PHC1: variants seen among roughly 807,000 people sequenced by gnomAD.
PHC1 encodes the protein polyhomeotic homolog 1.
PHC1 carries 12 observed loss-of-function variants against 104.3 expected under a neutral mutation model. That is an observed-to-expected ratio of 0.12 (90% CI 0.07 to 0.19). The LOEUF is 0.19. Among genes scored for constraint, PHC1 ranks in the 10% least tolerant of loss-of-function variants. PHC1 has a pLI of 1.00. For synonymous variants in PHC1, 302 were observed against 455.8 expected (o/e 0.66, Z 4.30); for missense variants, 671 against 1,200.0 (o/e 0.56, Z 6.51).
rs1946005682 is a variant in PHC1, at chr12:8,941,459, T to C, written c.*2000T>C. The C allele has an allele frequency of 5.2e-6, 1 of 192,078 alleles. No homozygotes were observed. Among genetic ancestry groups the C allele is most frequent in the Non-Finnish European group, 1.1e-5 (1 of 92,966 alleles). 11.9% of individuals were successfully genotyped at this position (192,078 alleles called of 1,614,324 possible). On this transcript the variant is annotated 3_prime_UTR_variant, in exon 15 of 15. Transcript: ENST00000544916. ...TTTTTTTAATTAAAGAAATCCAGTG[T>C]CTCAAAAACTTGTGAAAATGTGTTT...
chr12:8,916,714 A>G (rs1441935594), intron 1 of PHC1, among the ~76,000 whole-genome samples: 1 of 152,070 alleles, frequency 6.6e-6, no homozygotes, highest in Non-Finnish European at 1.5e-5. Flanking sequence ...GAAGATTTTC[A>G]TTGTGTGTAT....
At chr12:8,927,763 G>A (rs771343051) in intron 6 of PHC1, among the ~76,000 whole-genome samples, 1 of 152,230 alleles carries the variant, frequency 6.6e-6, no homozygotes, top group Admixed American at 6.5e-5. Flanking sequence ...CAATCCTGAT[G>A]ATTCTTGTCA....
intron 7 of PHC1, 99 bp from the exon 8 acceptor site, chr12:8,932,464 T>C (rs2137112290): frequency 7.7e-7 from 1 of 1,300,420 alleles, no homozygotes; most frequent in East Asian, 2.4e-5. Flanking sequence ...ATTCCAAAAC[T>C]AGGTTATACC....
At chr12:8,931,029 C>G in intron 7 of PHC1, 102 bp downstream of exon 7, 1 of 1,225,754 alleles carries the variant, frequency 8.2e-7, no homozygotes, top group East Asian at 2.5e-5. Flanking sequence ...GTTTTTTCCC[C>G]GCTTCTGTTG....
At chr12:8,932,222 G>C (rs1240257845) in intron 7 of PHC1, among the ~76,000 whole-genome samples, 3 of 152,302 alleles carry the variant, frequency 2.0e-5, no homozygotes, top group Admixed American at 1.3e-4. Context: ...TCTAATGGAG[G>C]AGGGGCTAAC....
In PHC1 at chr12:8,930,866, T is replaced by G. The variant is rs375570809; in HGVS notation, c.1044T>G (p.Asn348Lys). 19 of 1,548,620 alleles carry G rather than the reference T, an allele frequency of 1.2e-5. No homozygotes were observed. Among genetic ancestry groups the G allele is most frequent in the Non-Finnish European group, 3.5e-6 (4 of 1,152,704 alleles). Reference protein sequence around the residue: ...KAEADGSGQQNVGMNLTRTAT... With the variant: ...KAEADGSGQQKVGMNLTRTAT... The stretch of plus-strand genomic sequence containing the variant: ...AAGCAGATGGGAGTGGCCAGCAGAA[T>G]GTGGGCATGAACCTGACACGGACAG... Residue 348 changes from asparagine to lysine, a missense_variant, in exon 7 of 15, where the codon AAT (asparagine) becomes AAG (lysine). Coordinates refer to ENST00000544916, the MANE Select transcript of PHC1 (RefSeq NM_004426.3).
rs11048023 is a variant in PHC1, at chr12:8,922,106, G to T, written c.456+356G>T. Reference sequence around the variant, plus strand: ...TAGGATTACAGGCGTGAACCACCGCGCCCGGCCAAAAGCCATTTTTTTAAA... The same window carrying T: ...TAGGATTACAGGCGTGAACCACCGCTCCCGGCCAAAAGCCATTTTTTTAAA... On this transcript the variant is annotated intron_variant, in intron 5 of 14. Transcript: ENST00000544916. 1.8e-4 allele frequency among the ~76,000 whole-genome samples: 27 copies of T among 152,174 alleles called. 1 individual carries two copies. Among genetic ancestry groups the T allele is most frequent in the Middle Eastern group, 3.4e-3 (1 of 294 alleles).
intron 14 of PHC1, among the ~76,000 whole-genome samples, chr12:8,938,741 C>G (rs1011196767): frequency 1.3e-5 from 2 of 152,170 alleles, no homozygotes; most frequent in African/African-American, 4.8e-5. Flanking sequence ...TCCCTTTCCC[C>G]TGTCTCTAAG....
chr12:8,930,162 G>A (rs1295394545), intron 6 of PHC1, among the ~76,000 whole-genome samples: 5 of 152,170 alleles, frequency 3.3e-5, no homozygotes, highest in Non-Finnish European at 7.3e-5. Context: ...ATTGAATGGC[G>A]AGGAAAGGGA....
Position 8,932,577 on chromosome 12 carries a change from A to T in PHC1, c.1120A>T (p.Ile374Phe), listed in dbSNP as rs767557891. The change falls in exon 8 of 15, where the codon ATC becomes TTC. Residue 374 changes from isoleucine to phenylalanine, a missense_variant. Transcript: ENST00000544916. ...TLISSATYTQ[I>F]QPHSLIQQQQ... The stretch of plus-strand genomic sequence containing the variant: ...TGTTCCTATAGCCACCTACACACAG[A>T]TCCAGCCCCATTCACTGATTCAGCA... The T allele has an allele frequency of 6.2e-7, 1 of 1,613,930 alleles. No individual in the cohort carries two copies. The highest frequency in any genetic ancestry group is 1.7e-5 in the Admixed American group (1 of 60,010).
chr12:8,928,021 C>T (rs1760959924), intron 6 of PHC1, among the ~76,000 whole-genome samples: 1 of 151,302 alleles, frequency 6.6e-6, no homozygotes, highest in Non-Finnish European at 1.5e-5. Flanking sequence ...ATTCTTGTAC[C>T]TCAGCCTCCT....
At position 8,934,476 on chromosome 12, in the gene PHC1, C is replaced by T; in HGVS notation, c.2251C>T (p.Pro751Ser). ...TATCCAGGAAGGAGCAGAACCTTTC[C>T]CGGTGAGGGCAGGGCCATAAGGTGG... ...FVIQEGAEPF[P>S]VGCSQLLKES... The change falls in exon 10 of 15, where the codon CCG (proline) becomes TCG (serine). Residue 751 changes from proline to serine, a missense_variant and splice_region_variant. This residue lies in a region of PHC1 where 192 missense variants were observed against 280.5 expected (regional missense o/e 0.68). Coordinates refer to ENST00000544916, the MANE Select transcript of PHC1 (RefSeq NM_004426.3). 6.2e-7 allele frequency: 1 copy of T among 1,612,306 alleles called. No homozygotes were observed. Among genetic ancestry groups the T allele is most frequent in the Non-Finnish European group, 8.5e-7 (1 of 1,178,680 alleles).
chr12:8,914,197 A>T (rs1015077374), upstream of PHC1, among the ~76,000 whole-genome samples: 1 of 150,924 alleles, frequency 6.6e-6, no homozygotes, highest in Non-Finnish European at 1.5e-5. Flanking sequence ...CCCTTCTCCC[A>T]TCTCCCTCTC....
intron 3 of PHC1, 188 bp downstream of exon 3, chr12:8,920,054 A>G (rs1945316972): frequency 1.1e-5 from 9 of 855,134 alleles, no homozygotes; most frequent in Non-Finnish European, 1.4e-5. Flanking sequence ...CCGTAAAATC[A>G]CTTTTTAGGT....
intron 11 of PHC1, 126 bp from the exon 12 acceptor site, chr12:8,936,730 A>G (rs981065751): frequency 4.5e-6 from 3 of 665,648 alleles, no homozygotes; most frequent in Non-Finnish European, 8.0e-6. Context: ...GGGATTCTCA[A>G]CTAGGTTGTG....
chr12:8,936,558 TCTC>T (rs1481546595), intron 11 of PHC1, among the ~76,000 whole-genome samples: 1 of 152,150 alleles, frequency 6.6e-6, no homozygotes, highest in African/African-American at 2.4e-5. Flanking sequence ...GTAGTTCCTC[TCTC>T]CTCAGAAATT....
rs1945181028 is a variant in PHC1 at position 8,915,673 on chromosome 12, C to T, written c.-49+846C>T. 4 of 121,098 alleles carry T rather than the reference C, an allele frequency of 3.3e-5. No individual in the cohort carries two copies. The South Asian group carries it at 1.4e-3, about 42-fold the overall frequency. 7.5% of individuals were successfully genotyped at this position (121,098 alleles called of 1,614,324 possible). On this transcript the variant is annotated intron_variant, in intron 1 of 14. Coordinates refer to ENST00000544916, the MANE Select transcript of PHC1 (RefSeq NM_004426.3). ...GGAAAATTTTGATACCTGGTGCTGC[C>T]CAAACTGTTTGTTGTCTCCATTTTT...
intron 6 of PHC1, among the ~76,000 whole-genome samples, chr12:8,928,994 G>T (rs1418234238): frequency 6.6e-6 from 1 of 152,150 alleles, no homozygotes; most frequent in Non-Finnish European, 1.5e-5. Context: ...ATGCCACCAT[G>T]AACATTCCTA....
intron 1 of PHC1, among the ~76,000 whole-genome samples, chr12:8,915,601 CTG>C (rs1209366735): frequency 6.6e-6 from 1 of 152,178 alleles, no homozygotes; most frequent in African/African-American, 2.4e-5. Context: ...CTTAGCTACT[CTG>C]GGGGCATCTG....
Sources: gnomAD v4.1 joint callset for allele counts (sites outside exome capture counted in the v4.1 genomes callset) on GRCh38, gnomAD v4.1.1 for gene constraint, gnomAD v4.1.1 regional missense constraint, MANE v1.5 for transcripts, NCBI Gene and HGNC (gene_info 2026-07-23, HGNC 2026-07-21) for gene names.